The following TMEM150C variants were observed in gnomAD, a reference collection of about 807,000 sequenced individuals.
TMEM150C encodes the protein tentonin 3.
Under a neutral mutation model 29.9 loss-of-function variants are expected in TMEM150C, and 10 were observed. That is an observed-to-expected ratio of 0.33 (90% CI 0.21 to 0.57). TMEM150C has a LOEUF of 0.57. TMEM150C is among the 20% of genes least tolerant of loss of function. TMEM150C has a pLI of 0.88. For synonymous variants in TMEM150C, 101 were observed against 112.5 expected, an observed-to-expected ratio of 0.90 and a Z score of 0.64; for missense variants, 251 against 303.6, an observed-to-expected ratio of 0.83 and a Z score of 1.29.
rs543575730 is a variant in TMEM150C, at chr4:82,491,282, C to T, written c.364-1044G>A. The stretch of plus-strand genomic sequence containing the variant: ...CAGCTTTCTTCTCAGCCTGGGCCAA[C>T]AGCTTCTGCTTCTTCTCTTGCTTTG... On this transcript the variant is annotated intron_variant, in intron 6 of 7. Coordinates refer to ENST00000449862, the MANE Select transcript of TMEM150C (RefSeq NM_001080506.3). 6 of 680,286 alleles carry T rather than the reference C, an allele frequency of 8.8e-6. 1 individual carries two copies. The South Asian group carries it at 9.6e-5, about 11-fold the overall frequency. 42.1% of individuals were successfully genotyped at this position (680,286 alleles called of 1,614,324 possible). A position where few individuals can be genotyped will look rare whatever the true frequency, so the allele number is the denominator to read the frequency against.
chr4:82,551,237 C>A (rs1017860928), intron 1 of TMEM150C, among the ~76,000 whole-genome samples: 1 of 152,152 alleles, frequency 6.6e-6, no homozygotes, highest in Admixed American at 6.5e-5. Context: ...TCCAGCACCC[C>A]CAAATTCTTT....
chr4:82,487,614 T>C (rs1190778321), intron 7 of TMEM150C, among the ~76,000 whole-genome samples: 1 of 152,206 alleles, frequency 6.6e-6, no homozygotes, highest in Admixed American at 6.5e-5. Context: ...TCATAAAGTA[T>C]TTATTAGGTT....
At chr4:82,508,143 A>G (rs993493497) in intron 1 of TMEM150C, among the ~76,000 whole-genome samples, 2 of 152,180 alleles carry the variant, frequency 1.3e-5, no homozygotes, top group African/African-American at 4.8e-5. Flanking sequence ...TAGTCACATT[A>G]GAAAGTGTCA....
chr4:82,496,275 T>C (rs1723556012), intron 5 of TMEM150C, 80 bp from the exon 6 acceptor site: 1 of 1,368,206 alleles, frequency 7.3e-7, no homozygotes, highest in Non-Finnish European at 1.0e-6. Flanking sequence ...ATTATTATTA[T>C]TTTTTTATGC....
chr4:82,485,649 G>A lies in TMEM150C; in HGVS notation c.612C>T (p.Phe204=), dbSNP rs1185345746. 1.2e-6 allele frequency: 2 copies of A among 1,609,624 alleles called. No homozygotes were observed. The highest frequency in any genetic ancestry group is 1.7e-6 in the Non-Finnish European group (2 of 1,177,988). Residue 204 remains phenylalanine (F), a synonymous_variant, in exon 8 of 8, where the codon TTC becomes TTT. Coordinates refer to ENST00000449862, the MANE Select transcript of TMEM150C (RefSeq NM_001080506.3). ...CGGCAAAGGTGCCAAAATAAGACAG[G>A]AAGCACATGACCAGGCCCCACTGGA... ...ARVQWGLVMC[F]LSYFGTFAVE...
intron 1 of TMEM150C, among the ~76,000 whole-genome samples, chr4:82,514,625 C>G (rs1165267246): frequency 1.3e-5 from 2 of 152,278 alleles, no homozygotes; most frequent in African/African-American, 4.8e-5. Flanking sequence ...TGACTATGAA[C>G]ATCCATTCTT....
intron 6 of TMEM150C, chr4:82,495,523 G>T: frequency 2.7e-6 from 1 of 364,802 alleles, no homozygotes; most frequent in Non-Finnish European, 5.4e-6. Context: ...TCCAGGTATA[G>T]CCTTCTCTCT....
At chr4:82,515,421 A>C (rs1042903301) in intron 1 of TMEM150C, among the ~76,000 whole-genome samples, 2 of 152,162 alleles carry the variant, frequency 1.3e-5, no homozygotes, top group African/African-American at 4.8e-5. Context: ...GATTACTCCC[A>C]ATATGACTGA....
chr4:82,506,233 A>T (rs1005289805), intron 1 of TMEM150C, among the ~76,000 whole-genome samples: 2 of 152,216 alleles, frequency 1.3e-5, no homozygotes, highest in Non-Finnish European at 2.9e-5. Flanking sequence ...AGGAAACATG[A>T]TGCTCCTCGC....
At chr4:82,490,985 T>C in intron 6 of TMEM150C, 1 of 738,204 alleles carries the variant, frequency 1.4e-6, no homozygotes. Context: ...TAGCCAAAGC[T>C]CCTTTGTCTT....
At chr4:82,514,775 C>T (rs1292537550) in intron 1 of TMEM150C, among the ~76,000 whole-genome samples, 29 of 152,168 alleles carry the variant, frequency 1.9e-4, no homozygotes. Flanking sequence ...GGCACATACT[C>T]ATTTCCTATG....
At chr4:82,504,994 T>C (rs563302902) in intron 1 of TMEM150C, among the ~76,000 whole-genome samples, 163 of 152,220 alleles carry the variant, frequency 1.1e-3, no homozygotes, top group African/African-American at 3.6e-3. Context: ...CGCGCCACTG[T>C]ACTCCAGCCT....
intron 1 of TMEM150C, among the ~76,000 whole-genome samples, chr4:82,539,798 A>T (rs1725139525): frequency 6.6e-6 from 1 of 152,152 alleles, no homozygotes; most frequent in Non-Finnish European, 1.5e-5. Context: ...CTACAATAGC[A>T]ACAAAACCCA....
At position 82,551,137 on chromosome 4, in the gene TMEM150C, A is replaced by T. The variant is rs565293057; in HGVS notation, c.-11+10769T>A. 2.6e-5 allele frequency among the ~76,000 whole-genome samples: 4 copies of T among 152,314 alleles called. No homozygotes were observed. In the East Asian group the frequency reaches 5.8e-4, roughly 22 times the overall value. On this transcript the variant is annotated intron_variant, in intron 1 of 7. Coordinates refer to ENST00000449862, the MANE Select transcript of TMEM150C (RefSeq NM_001080506.3). ...GTTCTTTAAGAAATAAACAGGAGTG[A>T]CTGGGAATTGAATGAAGAGTTGGGA... is the stretch of plus-strand genomic sequence containing the variant.
At chr4:82,519,153 G>A (rs749534324) in intron 1 of TMEM150C, among the ~76,000 whole-genome samples, 34 of 152,252 alleles carry the variant, frequency 2.2e-4, no homozygotes, top group African/African-American at 5.5e-4. Context: ...AAACCTGCTC[G>A]ACAGAAATAT....
chr4:82,499,026 C>G (rs956133820), intron 5 of TMEM150C, among the ~76,000 whole-genome samples: 1 of 152,136 alleles, frequency 6.6e-6, no homozygotes, highest in Non-Finnish European at 1.5e-5. Context: ...TTAATCAGAT[C>G]AGGGGAGGCA....
intron 1 of TMEM150C, among the ~76,000 whole-genome samples, chr4:82,516,856 T>A (rs76612229): frequency 6.6e-6 from 1 of 152,156 alleles, no homozygotes; most frequent in Non-Finnish European, 1.5e-5. Flanking sequence ...ACAAAACACA[T>A]GTGAAATATA....
At chr4:82,542,390 T>G (rs566416215) in intron 1 of TMEM150C, among the ~76,000 whole-genome samples, 4 of 152,238 alleles carry the variant, frequency 2.6e-5, no homozygotes, top group African/African-American at 9.6e-5. Context: ...ACAAATAAAA[T>G]GGGTTCAGAT....
chr4:82,526,317 T>C (rs1724651154), intron 1 of TMEM150C, among the ~76,000 whole-genome samples: 2 of 152,228 alleles, frequency 1.3e-5, no homozygotes, highest in African/African-American at 2.4e-5. Flanking sequence ...GTAGAACACA[T>C]TTCTTCTGGC....
Sources: gnomAD v4.1 joint callset for allele counts (sites outside exome capture counted in the v4.1 genomes callset) on GRCh38, gnomAD v4.1.1 for gene constraint, MANE v1.5 for transcripts, NCBI Gene and HGNC (gene_info 2026-07-23, HGNC 2026-07-21) for gene names.